ADAMTS15: variants seen among roughly 807,000 people sequenced by gnomAD.
ADAMTS15 encodes the protein ADAM metallopeptidase with thrombospondin type 1 motif 15, also known as A disintegrin and metalloproteinase with thrombospondin motifs 15.
ADAMTS15 carries 35 observed loss-of-function variants against 79.1 expected under a neutral mutation model. The observed-to-expected ratio is 0.44, with a 90% CI of 0.34 to 0.59. The LOEUF (loss-of-function observed/expected upper bound fraction) is 0.59. Among genes scored for constraint, ADAMTS15 ranks in the 20% least tolerant of loss-of-function variants. The pLI is 0.02. For synonymous variants in ADAMTS15, 616 were observed against 567.3 expected (o/e 1.09, Z -1.22); for missense variants, 1,324 against 1,318.7 (o/e 1.00, Z -0.06).
intron 4 of ADAMTS15, among the ~76,000 whole-genome samples, chr11:130,465,198 C>T (rs375476572): frequency 1.6e-4 from 25 of 152,096 alleles, no homozygotes; most frequent in East Asian, 5.8e-4. Context: ...CATTTCCCGA[C>T]GGGGGAAAAA....
Position 130,462,143 on chromosome 11 carries a change from A to G in ADAMTS15, c.1147A>G (p.Lys383Glu), listed in dbSNP as rs1479416357. The change falls in exon 3 of 8, where the codon AAG (lysine) becomes GAG (glutamate). Residue 383 changes from lysine to glutamate, a missense_variant. Coordinates refer to ENST00000299164, the MANE Select transcript of ADAMTS15 (RefSeq NM_139055.4). The surrounding 1 kb of genome is among the most constrained non-coding windows in gnomAD (Gnocchi z 4.3). The part of the protein sequence containing the change: ...NVKVCEEVFG[K>E]LRANHMMSPT... ...GAAAGTCTGTGAGGAGGTGTTTGGG[A>G]AGCTCCGAGCCAACCACATGATGTC... 2 of 1,614,064 alleles carry G rather than the reference A, an allele frequency of 1.2e-6. No individual in the cohort carries two copies. Among genetic ancestry groups the G allele is most frequent in the Non-Finnish European group, 8.5e-7 (1 of 1,180,018 alleles).
intron 1 of ADAMTS15, among the ~76,000 whole-genome samples, chr11:130,455,100 C>T (rs934627539): frequency 2.0e-5 from 3 of 152,136 alleles, no homozygotes; most frequent in Non-Finnish European, 4.4e-5. Flanking sequence ...GCTATGTGCA[C>T]TTAACTTTCC....
chr11:130,473,708 C>T lies in ADAMTS15; in HGVS notation c.2740C>T (p.Gln914Ter). 2 of 1,600,706 alleles carry T rather than the reference C, an allele frequency of 1.2e-6. No homozygotes were observed. The highest frequency in any genetic ancestry group is 2.2e-5 in the East Asian group (1 of 44,866). Residue 914 changes from glutamine to a stop codon, truncating the protein, a stop_gained, in exon 8 of 8, where the codon CAG becomes TAG. Transcript: ENST00000299164. LOFTEE classifies it high-confidence loss of function. Reference sequence around the variant, plus strand: ...CTCCAAGAGCTGCGGCCGGGGATTTCAGAGGCGCTCACTCAAGTGTGTGGG... The same window carrying T: ...CTCCAAGAGCTGCGGCCGGGGATTTTAGAGGCGCTCACTCAAGTGTGTGGG... The part of the protein sequence containing the change: ...PCSKSCGRGF[Q>*]RRSLKCVGHG...
chr11:130,459,205 CA>C (rs1938150115), intron 1 of ADAMTS15, among the ~76,000 whole-genome samples: 1 of 151,950 alleles, frequency 6.6e-6, no homozygotes, highest in Non-Finnish European at 1.5e-5. Flanking sequence ...ACTACAAATA[CA>C]AAAATTAGCT....
At chr11:130,459,467 C>T (rs1376666548) in intron 1 of ADAMTS15, among the ~76,000 whole-genome samples, 1 of 152,160 alleles carries the variant, frequency 6.6e-6, no homozygotes, top group Non-Finnish European at 1.5e-5. Flanking sequence ...CGCCCAGGCC[C>T]CTCCCAAGTT....
At chr11:130,466,119 C>T (rs1353879042) in intron 4 of ADAMTS15, among the ~76,000 whole-genome samples, 1 of 152,136 alleles carries the variant, frequency 6.6e-6, no homozygotes, top group African/African-American at 2.4e-5. Flanking sequence ...GTGATCTGCT[C>T]ACCTCGGCCT....
At position 130,473,439 on chromosome 11, in the gene ADAMTS15, G is replaced by T; in HGVS notation, c.2471G>T (p.Ser824Ile). ...DPRGPSVLHNSVLSLSNQVEQ... is the reference protein window; with the variant it reads ...DPRGPSVLHNIVLSLSNQVEQ... Reference sequence around the variant, plus strand: ...CGGGGACCCTCTGTCTTGCACAACAGCGTCCTCAGCCTCTCCAACCAGGTG... The same window carrying T: ...CGGGGACCCTCTGTCTTGCACAACATCGTCCTCAGCCTCTCCAACCAGGTG... Residue 824 changes from serine to isoleucine, a missense_variant, in exon 8 of 8, where the codon AGC becomes ATC. Coordinates refer to ENST00000299164, the MANE Select transcript of ADAMTS15 (RefSeq NM_139055.4). 3 of 1,612,746 alleles carry T rather than the reference G, an allele frequency of 1.9e-6. No homozygotes were observed. Among genetic ancestry groups the T allele is most frequent in the Non-Finnish European group, 1.7e-6 (2 of 1,179,964 alleles).
intron 4 of ADAMTS15, 79 bp from the exon 5 acceptor site, chr11:130,469,183 C>A: frequency 8.0e-7 from 1 of 1,247,986 alleles, no homozygotes; most frequent in Non-Finnish European, 1.0e-6. Flanking sequence ...GGAGGCTGTA[C>A]AGTGTAGTTT....
intron 1 of ADAMTS15, among the ~76,000 whole-genome samples, chr11:130,461,134 T>C (rs1439869718): frequency 3.3e-5 from 5 of 152,230 alleles, no homozygotes; most frequent in South Asian, 2.1e-4. Context: ...CCCTTGGCTA[T>C]GGGAGTCACT....
In ADAMTS15 at chr11:130,473,724, A is replaced by G. The variant is rs1938515630; in HGVS notation, c.2756A>G (p.Lys919Arg). ...CGGGGATTTCAGAGGCGCTCACTCAAGTGTGTGGGCCACGGAGGCCGGCTG... is the reference window on the plus strand; with the variant it reads ...CGGGGATTTCAGAGGCGCTCACTCAGGTGTGTGGGCCACGGAGGCCGGCTG... ...CGRGFQRRSL[K>R]CVGHGGRLLA... is the part of the protein sequence containing the mutation. Residue 919 changes from lysine to arginine, a missense_variant, in exon 8 of 8, where the codon AAG (lysine) becomes AGG (arginine). Transcript: ENST00000299164. The G allele has an allele frequency of 6.2e-7, 1 of 1,600,038 alleles. No individual in the cohort carries two copies.
In ADAMTS15 at chr11:130,449,464, G is replaced by C. The variant is rs759398599; in HGVS notation, c.491G>C (p.Gly164Ala). 5.7e-6 allele frequency: 9 copies of C among 1,572,450 alleles called. No individual in the cohort carries two copies. The African/African-American group carries it at 1.2e-4, about 21-fold the overall frequency. ...CTTCTCCAGCGCCGGGGTGTTCCGG[G>C]CGGGCCTTCCGGAGACCCCACCTCT... ...AHLLQRRGVP[G>A]GPSGDPTSRC... Residue 164 changes from glycine (G) to alanine (A), a missense_variant, in exon 1 of 8, where the codon GGC becomes GCC. Gly to Ala is a moderately conservative substitution (Grantham distance 60). Transcript: ENST00000299164. This position sits in a 1 kb window ranked among gnomAD's most constrained non-coding sequence, Gnocchi z 7.8.
In ADAMTS15 at chr11:130,473,053, C is replaced by A. The variant is rs1938490337; in HGVS notation, c.2085C>A (p.Gly695=). The change falls in exon 8 of 8, where the codon GGC becomes GGA. Residue 695 remains glycine (G), a synonymous_variant. Transcript: ENST00000299164. ...VTGLFTKPMH[G]YNFVVAIPAG... The stretch of plus-strand genomic sequence containing the variant: ...CCCCCCTTTCCCCCGCCAGGCATGG[C>A]TACAATTTCGTGGTGGCCATCCCCG... 6.2e-7 allele frequency: 1 copy of A among 1,613,244 alleles called. No individual in the cohort carries two copies. The highest frequency in any genetic ancestry group is 1.7e-5 in the Admixed American group (1 of 60,028).
rs758649194 is a variant in ADAMTS15, at chr11:130,449,217, G to A, written c.244G>A (p.Glu82Lys). 4 of 1,614,058 alleles carry A rather than the reference G, an allele frequency of 2.5e-6. No homozygotes were observed. The highest frequency in any genetic ancestry group is 2.5e-6 in the Non-Finnish European group (3 of 1,180,020). The change falls in exon 1 of 8, where the codon GAG becomes AAG. Residue 82 changes from glutamate (E) to lysine (K), a missense_variant. Physicochemically the swap from Glu to Lys is moderately conservative, Grantham distance 56. Transcript: ENST00000299164. The surrounding 1 kb of genome is among the most constrained non-coding windows in gnomAD (Gnocchi z 7.8). ...GTTCTTGGCTCCCGCCTTCTCCACT[G>A]AGCATCTGGGCGTCCCCCTCCAGGG... ...AQFLAPAFST[E>K]HLGVPLQGLT...
chr11:130,468,939 C>CAAAAAAAAAAAAAAAAAAAAAAAAA (rs911391031), intron 4 of ADAMTS15, among the ~76,000 whole-genome samples: 2 of 27,848 alleles, frequency 7.2e-5, no homozygotes, highest in African/African-American at 2.0e-4. Flanking sequence ...TCCACCTCAA[C>CAAAAAAAAAAAAAAAAAAAAAAAAA]AAAAAAAAAA....
In ADAMTS15 at chr11:130,462,869, A is replaced by T; in HGVS notation, c.1542+89A>T. 6.6e-7 allele frequency: 1 copy of T among 1,512,964 alleles called. No homozygotes were observed. The highest frequency in any genetic ancestry group is 8.9e-7 in the Non-Finnish European group (1 of 1,126,300). The allele number at this position is 1,512,964 out of a possible 1,614,324, so 93.7% of individuals were successfully genotyped here. A position where few individuals can be genotyped will look rare whatever the true frequency, so the allele number is the denominator to read the frequency against. ...CGTCTGCCCTTGGTCTTCACCAGGA[A>T]GGTGCCTATCACAGACTGGCCACGG... On this transcript the variant is annotated intron_variant, in intron 4 of 7. Coordinates refer to ENST00000299164, the MANE Select transcript of ADAMTS15 (RefSeq NM_139055.4). The surrounding 1 kb of genome is among the most constrained non-coding windows in gnomAD (Gnocchi z 4.3).
chr11:130,475,502 T>G lies in ADAMTS15; in HGVS notation c.*1681T>G, dbSNP rs190268624. ...ATTTTCTGGAGCTAAGATCAAAGCATGTGTCTTCCTGGGAGAGAAGAGTTC... is the reference window on the plus strand; with the variant it reads ...ATTTTCTGGAGCTAAGATCAAAGCAGGTGTCTTCCTGGGAGAGAAGAGTTC... On this transcript the variant is annotated 3_prime_UTR_variant, in exon 8 of 8. Coordinates refer to ENST00000299164, the MANE Select transcript of ADAMTS15 (RefSeq NM_139055.4). 3 of 152,372 alleles carry G rather than the reference T, an allele frequency of 2.0e-5. No individual in the cohort carries two copies. The highest frequency in any genetic ancestry group is 1.3e-4 in the Admixed American group (2 of 15,298). 9.4% of individuals were successfully genotyped at this position (152,372 alleles called of 1,614,324 possible).
At chr11:130,457,050 C>T (rs1329744380) in intron 1 of ADAMTS15, among the ~76,000 whole-genome samples, 3 of 151,930 alleles carry the variant, frequency 2.0e-5, no homozygotes, top group African/African-American at 4.8e-5. Context: ...CTGGCCAACA[C>T]GGTGAAACCC....
Position 130,472,403 on chromosome 11 carries a change from G to A in ADAMTS15, c.2079-644G>A, listed in dbSNP as rs1241179035. Among the ~76,000 whole-genome samples, 2 of 152,334 alleles carry A rather than the reference G, an allele frequency of 1.3e-5. No individual in the cohort carries two copies. Among genetic ancestry groups the A allele is most frequent in the South Asian group, 2.1e-4 (1 of 4,834 alleles). On this transcript the variant is annotated intron_variant, in intron 7 of 7. Transcript: ENST00000299164. This position sits in a 1 kb window ranked among gnomAD's most constrained non-coding sequence, Gnocchi z 4.7. Reference sequence around the variant, plus strand: ...TGGCAAGGCCACGTGGGGAGTGGGAGGTACATACCCCAGGCTTGCCTCACT... The same window carrying A: ...TGGCAAGGCCACGTGGGGAGTGGGAAGTACATACCCCAGGCTTGCCTCACT...
chr11:130,470,156 A>G lies in ADAMTS15; in HGVS notation c.1720+717A>G, dbSNP rs2324057. On this transcript the variant is annotated intron_variant, in intron 5 of 7. Coordinates refer to ENST00000299164, the MANE Select transcript of ADAMTS15 (RefSeq NM_139055.4). ...TACATATATATATATATATATGTGT[A>G]TATATATATATATATATATATATAT... Among the ~76,000 whole-genome samples the G allele has an allele frequency of 8.6e-3, 380 of 44,378 alleles. 18 individuals carry two copies. The highest frequency in any genetic ancestry group is 0.019 in the East Asian group (22 of 1,182). The allele number at this position is 44,378 out of a possible 152,430, so 29.1% of individuals were successfully genotyped here.
Sources: allele counts gnomAD v4.1 joint callset (sites outside exome capture counted in the v4.1 genomes callset), GRCh38; gene constraint gnomAD v4.1.1; non-coding constraint Gnocchi (gnomAD v3.1); transcripts MANE v1.5; gene names NCBI Gene and HGNC (gene_info 2026-07-23, HGNC 2026-07-21).